The following EXOC4 variants were observed in gnomAD, a reference collection of about 807,000 sequenced individuals.
EXOC4 encodes exocyst complex component 4, also known as SEC8-like 1.
A neutral mutation model predicts 107.2 loss-of-function variants in EXOC4; 71 were observed. The observed-to-expected ratio is 0.66, with a 90% CI of 0.55 to 0.81. EXOC4 has a LOEUF of 0.81. EXOC4 is among the 30% of genes least tolerant of loss of function. EXOC4 has a pLI of 0.00. For missense variants in EXOC4, 1,108 were observed against 1,189.6 expected (o/e 0.93, Z 1.01); for synonymous variants, 456 against 441.2 (o/e 1.03, Z -0.42).
chr7:133,525,370 A>AAG (rs1253165397), intron 9 of EXOC4, among the ~76,000 whole-genome samples: 17 of 152,222 alleles, frequency 1.1e-4, no homozygotes, highest in African/African-American at 4.1e-4. Flanking sequence ...AGTGAGAATA[A>AAG]TAAGCTAGTG....
In EXOC4 at chr7:133,814,803, A is replaced by G. The variant is rs538423607; in HGVS notation, c.1515-2522A>G. Among the ~76,000 whole-genome samples, 8 of 152,242 alleles carry G rather than the reference A, an allele frequency of 5.3e-5. No individual in the cohort carries two copies. The South Asian group carries it at 1.7e-3, about 32-fold the overall frequency. ...AAATTTCTTCTAATGTTTAATGGTC[A>G]TTGTATTGACTACAAATAGTCTTTT... On this transcript the variant is annotated intron_variant, in intron 10 of 17. Coordinates refer to ENST00000253861, the MANE Select transcript of EXOC4 (RefSeq NM_021807.4).
chr7:133,607,442 C>G (rs746290648), intron 9 of EXOC4, among the ~76,000 whole-genome samples: 40 of 152,012 alleles, frequency 2.6e-4, no homozygotes, highest in African/African-American at 9.2e-4. Context: ...GGATCTCAGA[C>G]AAGATAGTAT....
intron 9 of EXOC4, among the ~76,000 whole-genome samples, chr7:133,581,253 A>C (rs1801261946): frequency 6.6e-6 from 1 of 152,186 alleles, no homozygotes; most frequent in African/African-American, 2.4e-5. Context: ...AGCTGAAGAG[A>C]CTGACATAGT....
intron 10 of EXOC4, among the ~76,000 whole-genome samples, chr7:133,720,641 G>A (rs57343895): frequency 0.017 from 2,586 of 152,194 alleles, 69 homozygotes; most frequent in African/African-American, 0.059. Flanking sequence ...AAATACCAAA[G>A]AAAAATAAAT....
intron 10 of EXOC4, among the ~76,000 whole-genome samples, chr7:133,713,936 G>A (rs779658222): frequency 5.3e-5 from 8 of 152,118 alleles, no homozygotes; most frequent in South Asian, 4.1e-4. Context: ...TATGAAAATA[G>A]ACTAGTACAG....
At chr7:133,727,842 A>G (rs1241123920) in intron 10 of EXOC4, 2 of 152,184 alleles carry the variant, frequency 1.3e-5, no homozygotes, top group African/African-American at 2.4e-5. Flanking sequence ...ATTCGTTTTT[A>G]TATTTTTATA....
At chr7:133,365,190 C>A (rs1341174579) in intron 6 of EXOC4, among the ~76,000 whole-genome samples, 2 of 152,058 alleles carry the variant, frequency 1.3e-5, no homozygotes, top group Non-Finnish European at 2.9e-5. Context: ...GTACTAGGAA[C>A]AATATAGTAC....
chr7:133,817,709 A>G (rs1585170973), intron 11 of EXOC4, among the ~76,000 whole-genome samples, 165 bp downstream of exon 11: 1 of 152,124 alleles, frequency 6.6e-6, no homozygotes, highest in Admixed American at 6.5e-5. Context: ...ATGTAGTTGG[A>G]TAATGGAAGT....
chr7:133,646,404 A>AT (rs1802993696), intron 10 of EXOC4, among the ~76,000 whole-genome samples: 1 of 151,900 alleles, frequency 6.6e-6, no homozygotes, highest in South Asian at 2.1e-4. Flanking sequence ...GAGGCTAGAT[A>AT]TTTTTTCTTC....
intron 11 of EXOC4, 72 bp from the exon 12 acceptor site, chr7:133,895,527 T>G (rs1159774422): frequency 6.9e-7 from 1 of 1,448,534 alleles, no homozygotes; most frequent in African/African-American, 1.4e-5. Context: ...ATGACATACT[T>G]GGAGTTGTCC....
chr7:133,816,413 G>C (rs1384082418), intron 10 of EXOC4, among the ~76,000 whole-genome samples: 2 of 152,080 alleles, frequency 1.3e-5, no homozygotes, highest in African/African-American at 2.4e-5. Flanking sequence ...TTAACATTCT[G>C]TTATGTATTC....
intron 10 of EXOC4, among the ~76,000 whole-genome samples, chr7:133,759,985 C>T (rs1329231080): frequency 6.6e-6 from 1 of 152,160 alleles, no homozygotes; most frequent in East Asian, 1.9e-4. Context: ...AGTTTTGACT[C>T]TCCACGTCAG....
intron 10 of EXOC4, among the ~76,000 whole-genome samples, chr7:133,805,673 G>A (rs994991155): frequency 1.3e-5 from 2 of 152,150 alleles, no homozygotes. Context: ...AGTCAGGAAG[G>A]AGATAGGGGG....
intron 10 of EXOC4, among the ~76,000 whole-genome samples, chr7:133,802,961 A>G (rs1049638843): frequency 6.6e-6 from 1 of 150,716 alleles, no homozygotes; most frequent in Non-Finnish European, 1.5e-5. Context: ...GAAATGACAG[A>G]AAAAAAAACA....
chr7:133,598,949 A>G (rs1021502345), intron 9 of EXOC4, among the ~76,000 whole-genome samples: 1 of 152,156 alleles, frequency 6.6e-6, no homozygotes, highest in Non-Finnish European at 1.5e-5. Context: ...GCGCCACTGC[A>G]TTCCAGCCTG....
chr7:133,474,496 A>G (rs994183343), intron 7 of EXOC4, among the ~76,000 whole-genome samples: 3 of 149,956 alleles, frequency 2.0e-5, no homozygotes, highest in Admixed American at 6.6e-5. Flanking sequence ...TTTTTAAAGT[A>G]GAGATGAGCT....
At chr7:133,747,786 G>T (rs975958727) in intron 10 of EXOC4, among the ~76,000 whole-genome samples, 1 of 151,936 alleles carries the variant, frequency 6.6e-6, no homozygotes, top group African/African-American at 2.4e-5. Flanking sequence ...GTTGCTCCCC[G>T]CTCCTTCATC....
intron 9 of EXOC4, among the ~76,000 whole-genome samples, chr7:133,506,303 A>G (rs1276922127): frequency 6.6e-6 from 1 of 152,138 alleles, no homozygotes; most frequent in African/African-American, 2.4e-5. Flanking sequence ...AAACCCCTCA[A>G]AAAATTACAT....
chr7:133,537,153 ATT>A (rs142415052), intron 9 of EXOC4, among the ~76,000 whole-genome samples: 4 of 149,470 alleles, frequency 2.7e-5, no homozygotes, highest in Middle Eastern at 3.5e-3. Flanking sequence ...ATATATCTTG[ATT>A]TTTTTTTTTC....
Sources: allele counts gnomAD v4.1 joint callset (sites outside exome capture counted in the v4.1 genomes callset), GRCh38; gene constraint gnomAD v4.1.1; transcripts MANE v1.5; gene names NCBI Gene and HGNC (gene_info 2026-07-23, HGNC 2026-07-21).